PTPRD: variants seen among roughly 807,000 people sequenced by gnomAD.
PTPRD encodes the protein protein tyrosine phosphatase receptor type D, also known as receptor-type tyrosine-protein phosphatase delta.
A neutral mutation model predicts 214.5 loss-of-function variants in PTPRD; 34 were observed. The ratio of observed to expected loss-of-function variants is 0.16; its 90% CI spans 0.12 to 0.21. PTPRD has a LOEUF of 0.21. PTPRD is among the 10% of genes least tolerant of loss of function. The pLI, the probability that PTPRD is intolerant of heterozygous loss-of-function variation, is 1.00. For missense variants in PTPRD, 2,545 were observed against 2,398.7 expected (o/e 1.06, Z -1.27); for synonymous variants, 1,128 against 845.7 (o/e 1.33, Z -5.79).
At chr9:8,638,237 G>A (rs1159872893) in intron 12 of PTPRD, among the ~76,000 whole-genome samples, 2 of 151,166 alleles carry the variant, frequency 1.3e-5, no homozygotes, top group Non-Finnish European at 2.9e-5. Context: ...ACAATCCTTG[G>A]ATTATAAAAA....
chr9:8,919,318 G>GT (rs1230816591), intron 11 of PTPRD, among the ~76,000 whole-genome samples: 2 of 151,660 alleles, frequency 1.3e-5, no homozygotes, highest in East Asian at 3.9e-4. Flanking sequence ...GCTTGAACCT[G>GT]GGGGGTGGAG....
At chr9:9,299,134 G>A (rs1019514789) in intron 9 of PTPRD, among the ~76,000 whole-genome samples, 1 of 151,726 alleles carries the variant, frequency 6.6e-6, no homozygotes, top group African/African-American at 2.4e-5. Flanking sequence ...ATATAGGGAG[G>A]TGAACGGTAA....
At chr9:10,480,201 C>G (rs1181040657) in intron 2 of PTPRD, among the ~76,000 whole-genome samples, 3 of 152,152 alleles carry the variant, frequency 2.0e-5, no homozygotes, top group Non-Finnish European at 4.4e-5. Context: ...CTATTCTCGG[C>G]CCAACTTGGT....
intron 2 of PTPRD, among the ~76,000 whole-genome samples, chr9:10,432,159 C>A (rs1345238612): frequency 6.6e-6 from 1 of 151,402 alleles, no homozygotes; most frequent in African/African-American, 2.4e-5. Flanking sequence ...AATTGGAAAT[C>A]ATCATTCTCA....
At chr9:8,669,870 AAGG>A (rs937737365) in intron 12 of PTPRD, among the ~76,000 whole-genome samples, 4 of 152,128 alleles carry the variant, frequency 2.6e-5, no homozygotes, top group Non-Finnish European at 5.9e-5. Flanking sequence ...GTACTGTAGG[AAGG>A]AGGAGTGGGA....
At chr9:9,493,106 C>T (rs557586012) in intron 8 of PTPRD, among the ~76,000 whole-genome samples, 23 of 151,536 alleles carry the variant, frequency 1.5e-4, no homozygotes, top group Non-Finnish European at 2.8e-4. Flanking sequence ...TCTAAGTGTT[C>T]ATGTATCAGA....
chr9:8,916,418 G>C lies in PTPRD; in HGVS notation c.-104+102279C>G, dbSNP rs141575913. 3.1e-3 allele frequency among the ~76,000 whole-genome samples: 479 copies of C among 152,248 alleles called. 1 individual carries two copies. Among genetic ancestry groups the C allele is most frequent in the African/African-American group, 0.011 (457 of 41,544 alleles). On this transcript the variant is annotated intron_variant, in intron 11 of 45. Transcript: ENST00000381196. ...GTAGTGGATACACTATGAGAATATTGTATAATAAGCCTAAGGAGAGGATGG... is the reference window on the plus strand; with the variant it reads ...GTAGTGGATACACTATGAGAATATTCTATAATAAGCCTAAGGAGAGGATGG...
intron 39 of PTPRD, among the ~76,000 whole-genome samples, chr9:8,343,341 C>G (rs1564114987): frequency 1.3e-5 from 2 of 151,954 alleles, no homozygotes; most frequent in South Asian, 4.1e-4. Context: ...TGCCAAGAAT[C>G]CAATCCCAAG....
intron 9 of PTPRD, among the ~76,000 whole-genome samples, chr9:9,377,926 T>A (rs994151335): frequency 6.6e-6 from 1 of 151,664 alleles, no homozygotes; most frequent in African/African-American, 2.4e-5. Flanking sequence ...TATTTTTTTT[T>A]AAAGAGTAGT....
chr9:8,728,965 G>C (rs2098622727), intron 12 of PTPRD, among the ~76,000 whole-genome samples: 1 of 152,146 alleles, frequency 6.6e-6, no homozygotes, highest in South Asian at 2.1e-4. Context: ...GGGCAACAGA[G>C]TGAGACTGTC....
chr9:8,906,162 C>G (rs1459249987), intron 11 of PTPRD, among the ~76,000 whole-genome samples: 1 of 152,182 alleles, frequency 6.6e-6, no homozygotes, highest in Non-Finnish European at 1.5e-5. Context: ...ATTTTCCTGA[C>G]TAGATGATAA....
chr9:9,299,054 T>TA (rs1954227682), intron 9 of PTPRD, among the ~76,000 whole-genome samples: 1 of 151,762 alleles, frequency 6.6e-6, no homozygotes, highest in Non-Finnish European at 1.5e-5. Context: ...ACTATAATTA[T>TA]AATGTAGATC....
At chr9:9,839,548 A>G (rs2057764953) in intron 5 of PTPRD, among the ~76,000 whole-genome samples, 2 of 152,100 alleles carry the variant, frequency 1.3e-5, no homozygotes, top group African/African-American at 4.8e-5. Context: ...CAATGAAATA[A>G]AAGAGGATAC....
At chr9:8,373,616 T>C (rs916990026) in intron 39 of PTPRD, among the ~76,000 whole-genome samples, 8 of 3,748 alleles carry the variant, frequency 2.1e-3, no homozygotes, top group African/African-American at 2.9e-3. Flanking sequence ...GATGCGGGTG[T>C]GTGTGTGTGT....
At chr9:8,884,753 C>G (rs975363268) in intron 11 of PTPRD, among the ~76,000 whole-genome samples, 31 of 152,350 alleles carry the variant, frequency 2.0e-4, no homozygotes, top group African/African-American at 6.3e-4. Flanking sequence ...GTTTACTGGA[C>G]TGATTTGCCA....
At chr9:9,527,754 G>A (rs10115232) in intron 8 of PTPRD, among the ~76,000 whole-genome samples, 8,032 of 152,154 alleles carry the variant, frequency 0.053, 269 homozygotes, top group African/African-American at 0.087. Flanking sequence ...AGTTACAGAA[G>A]TAATTGGGAA....
At chr9:10,213,580 A>G (rs118036731) in intron 3 of PTPRD, among the ~76,000 whole-genome samples, 24 of 152,260 alleles carry the variant, frequency 1.6e-4, no homozygotes, top group Non-Finnish European at 2.9e-4. Context: ...TTAAACCACT[A>G]AAGTGTTGGA....
intron 9 of PTPRD, among the ~76,000 whole-genome samples, chr9:9,279,555 T>G (rs891368424): frequency 1.3e-5 from 2 of 150,600 alleles, no homozygotes; most frequent in Admixed American, 1.3e-4. Flanking sequence ...ATTTCGTTTT[T>G]GTAAAAGTCA....
At chr9:9,135,629 C>T (rs10977515) in intron 10 of PTPRD, among the ~76,000 whole-genome samples, 1 of 152,064 alleles carries the variant, frequency 6.6e-6, no homozygotes, top group Non-Finnish European at 1.5e-5. Context: ...AAGCTAATTA[C>T]TAAGGAAATG....
Sources: gnomAD v4.1 joint callset for allele counts (sites outside exome capture counted in the v4.1 genomes callset) on GRCh38, gnomAD v4.1.1 for gene constraint, MANE v1.5 for transcripts, NCBI Gene and HGNC (gene_info 2026-07-23, HGNC 2026-07-21) for gene names.